Variants in MYO18B observed in about 807,000 individuals in gnomAD.
MYO18B encodes unconventional myosin-XVIIIb.
In MYO18B, 204 loss-of-function variants were observed where a neutral mutation model predicts 273.0. That is an observed-to-expected ratio of 0.75 (90% CI 0.67 to 0.84). The LOEUF is 0.84. Ranked by LOEUF, MYO18B falls within the 40% of genes least tolerant of loss-of-function variation. The pLI is 0.00. For missense variants in MYO18B, 3,212 were observed against 3,287.6 expected, an observed-to-expected ratio of 0.98 and a Z score of 0.56; for synonymous variants, 1,330 against 1,305.7, an observed-to-expected ratio of 1.02 and a Z score of -0.40.
At chr22:25,744,665 T>C (rs1383827344) in intron 1 of MYO18B, among the ~76,000 whole-genome samples, 3 of 151,292 alleles carry the variant, frequency 2.0e-5, no homozygotes, top group African/African-American at 7.3e-5. Flanking sequence ...ACCTGGGAGG[T>C]GGAGCTTGCA....
At chr22:25,803,164 T>G (rs1248316830) in intron 12 of MYO18B, among the ~76,000 whole-genome samples, 4 of 151,404 alleles carry the variant, frequency 2.6e-5, no homozygotes, top group Non-Finnish European at 5.9e-5. Flanking sequence ...GGGGTTTCAC[T>G]GTATTAGCCA....
intron 9 of MYO18B, 100 bp downstream of exon 9, chr22:25,780,298 T>C (rs1307591700): frequency 5.7e-6 from 8 of 1,397,550 alleles, no homozygotes; most frequent in Non-Finnish European, 6.7e-6. Flanking sequence ...GACTCTAGGA[T>C]GTGTCTGAAA....
intron 10 of MYO18B, among the ~76,000 whole-genome samples, chr22:25,783,571 G>C (rs575437883): frequency 3.2e-4 from 48 of 152,232 alleles, no homozygotes; most frequent in Non-Finnish European, 6.9e-4. Flanking sequence ...CCCCATGGGT[G>C]GGGCTTGGCT....
intron 39 of MYO18B, among the ~76,000 whole-genome samples, chr22:25,990,715 AAAAAAGAAAAAGAAAAAAAAAAAG>A (rs1569270780): frequency 1.1e-3 from 49 of 45,806 alleles, no homozygotes; most frequent in Middle Eastern, 9.1e-3. Context: ...AAAAAAAAAA[AAAAAAGAAAAAGAAAAAAAAAAAG>A]ACTCCAGGCT....
chr22:25,973,824 T>C (rs1238535434), intron 39 of MYO18B, among the ~76,000 whole-genome samples: 1 of 152,214 alleles, frequency 6.6e-6, no homozygotes, highest in East Asian at 1.9e-4. Context: ...ACATGCCACT[T>C]CCTTTCCAAT....
intron 36 of MYO18B, among the ~76,000 whole-genome samples, chr22:25,948,459 C>CT (rs2092748160): frequency 5.9e-4 from 40 of 67,714 alleles, no homozygotes; most frequent in African/African-American, 1.7e-3. Context: ...TCCTTCCTTC[C>CT]TTCTTTCTTT....
chr22:25,867,791 G>A (rs144134055), intron 21 of MYO18B, among the ~76,000 whole-genome samples: 19 of 152,104 alleles, frequency 1.2e-4, no homozygotes, highest in African/African-American at 4.3e-4. Flanking sequence ...CACCATGCCC[G>A]ACTATAATTT....
intron 39 of MYO18B, among the ~76,000 whole-genome samples, chr22:25,972,785 T>C (rs1601724952): frequency 6.6e-6 from 1 of 151,898 alleles, no homozygotes; most frequent in South Asian, 2.1e-4. Context: ...GCGAAACCCC[T>C]TCTCTACTAA....
chr22:25,797,035 C>T lies in MYO18B; in HGVS notation c.2377-918C>T, dbSNP rs554981258. 4.4e-3 allele frequency among the ~76,000 whole-genome samples: 677 copies of T among 152,310 alleles called. 3 individuals carry two copies. Among genetic ancestry groups the T allele is most frequent in the Middle Eastern group, 0.01 (3 of 294 alleles). ...TTGAGGTCAGGAGTTCAAGACCAGCCTGGCCAACGTGGTGAAACCCTTCTC... is the reference window on the plus strand; with the variant it reads ...TTGAGGTCAGGAGTTCAAGACCAGCTTGGCCAACGTGGTGAAACCCTTCTC... On this transcript the variant is annotated intron_variant, in intron 11 of 43. Transcript: ENST00000335473.
intron 20 of MYO18B, among the ~76,000 whole-genome samples, chr22:25,849,492 T>C (rs1289230688): frequency 6.6e-6 from 1 of 152,190 alleles, no homozygotes; most frequent in South Asian, 2.1e-4. Flanking sequence ...TATGCATATA[T>C]ACACATGCAT....
At chr22:25,953,578 G>A (rs996531673) in intron 38 of MYO18B, 2 of 152,154 alleles carry the variant, frequency 1.3e-5, no homozygotes, top group Non-Finnish European at 2.9e-5. Context: ...TCTTTGCTTT[G>A]ACCCTCAGTG....
At chr22:25,784,313 A>T (rs1406650279) in intron 10 of MYO18B, among the ~76,000 whole-genome samples, 1 of 152,180 alleles carries the variant, frequency 6.6e-6, no homozygotes, top group African/African-American at 2.4e-5. Flanking sequence ...AATGGAAGAG[A>T]GTGTGAGGAA....
chr22:25,826,381 A>G (rs768724425), intron 13 of MYO18B, 28 bp from the exon 14 acceptor site: 2 of 1,588,536 alleles, frequency 1.3e-6, no homozygotes, highest in East Asian at 2.2e-5. Flanking sequence ...TCCCTAACCA[A>G]GAATGCTGAT....
In MYO18B at chr22:25,762,566, C is replaced by T. The variant is rs147346312; in HGVS notation, c.40-665C>T. Among the ~76,000 whole-genome samples, 265 of 152,358 alleles carry T rather than the reference C, an allele frequency of 1.7e-3. 2 individuals are homozygous for T. Among genetic ancestry groups the T allele is most frequent in the African/African-American group, 5.8e-3 (243 of 41,576 alleles). On this transcript the variant is annotated intron_variant, in intron 2 of 43. Coordinates refer to ENST00000335473, the MANE Select transcript of MYO18B (RefSeq NM_032608.7). ...AAGTCCAGCCAGTGCTGGCCTAGGC[C>T]GTATTTCTGGGGGGTAAAATATCAG...
chr22:25,817,665 C>A (rs991109388), intron 12 of MYO18B, among the ~76,000 whole-genome samples: 2 of 152,124 alleles, frequency 1.3e-5, no homozygotes, highest in African/African-American at 4.8e-5. Flanking sequence ...ATTAGATCCG[C>A]AAGAGATTCT....
intron 32 of MYO18B, among the ~76,000 whole-genome samples, chr22:25,909,746 T>C (rs1360100722): frequency 1.3e-5 from 2 of 152,240 alleles, no homozygotes; most frequent in Admixed American, 6.5e-5. Flanking sequence ...AATACTGATA[T>C]TGACTTCTCA....
At chr22:25,911,641 T>C (rs2092160918) in intron 33 of MYO18B, among the ~76,000 whole-genome samples, 1 of 152,228 alleles carries the variant, frequency 6.6e-6, no homozygotes, top group African/African-American at 2.4e-5. Context: ...AGGGCTGTCC[T>C]GTACATTGCG....
chr22:25,941,680 A>G (rs984960227), intron 34 of MYO18B, among the ~76,000 whole-genome samples: 51 of 152,356 alleles, frequency 3.3e-4, no homozygotes, highest in African/African-American at 1.2e-3. Flanking sequence ...AGTGCAATAA[A>G]TTGAAACTTT....
intron 6 of MYO18B, 60 bp downstream of exon 6, chr22:25,771,044 C>G: frequency 8.7e-7 from 1 of 1,154,716 alleles, no homozygotes; most frequent in South Asian, 1.4e-5. Context: ...CACCCCAGCT[C>G]CATACCCTCC....
Sources: gnomAD v4.1 joint callset for allele counts (sites outside exome capture counted in the v4.1 genomes callset) on GRCh38, gnomAD v4.1.1 for gene constraint, MANE v1.5 for transcripts, NCBI Gene and HGNC (gene_info 2026-07-23, HGNC 2026-07-21) for gene names.